The following IRAK4 variants were observed in gnomAD, a reference collection of about 807,000 sequenced individuals.
IRAK4 encodes the protein interleukin 1 receptor associated kinase 4.
IRAK4 carries 44 observed loss-of-function variants against 51.8 expected under a neutral mutation model. The ratio of observed to expected loss-of-function variants is 0.85; its 90% CI spans 0.67 to 1.09. The LOEUF is 1.09. Among genes scored for constraint, IRAK4 ranks in the 50% least tolerant of loss-of-function variants. The pLI is 0.00. For synonymous variants in IRAK4, 149 were observed against 174.1 expected, an observed-to-expected ratio of 0.86 and a Z score of 1.13; for missense variants, 487 against 538.0, an observed-to-expected ratio of 0.91 and a Z score of 0.94.
At chr12:43,764,953 C>G (rs1444007349) in intron 1 of IRAK4, among the ~76,000 whole-genome samples, 1 of 146,634 alleles carries the variant, frequency 6.8e-6, no homozygotes, top group African/African-American at 2.4e-5. Flanking sequence ...CATGCCCTTG[C>G]TTTTGACTGT....
chr12:43,775,991 C>T (rs1393254197), intron 6 of IRAK4, among the ~76,000 whole-genome samples: 2 of 150,280 alleles, frequency 1.3e-5, no homozygotes, highest in Admixed American at 1.3e-4. Context: ...ACGCCATTCT[C>T]CCGCCTCAGC....
At chr12:43,782,176 A>G in intron 8 of IRAK4, 131 bp from the exon 9 acceptor site, 1 of 673,396 alleles carries the variant, frequency 1.5e-6, no homozygotes, top group Non-Finnish European at 2.7e-6. Flanking sequence ...CACTCTGTAA[A>G]TATGTATGTA....
At chr12:43,774,860 G>A (rs1201912555) in intron 6 of IRAK4, among the ~76,000 whole-genome samples, 1 of 152,208 alleles carries the variant, frequency 6.6e-6, no homozygotes, top group East Asian at 1.9e-4. Flanking sequence ...ATATTTGAGT[G>A]TGTGCAACAT....
At chr12:43,785,264 G>A (rs1942106203) in intron 10 of IRAK4, among the ~76,000 whole-genome samples, 1 of 152,006 alleles carries the variant, frequency 6.6e-6, no homozygotes, top group African/African-American at 2.4e-5. Flanking sequence ...TGTTTTGGGG[G>A]ACCATGATTC....
Position 43,773,056 on chromosome 12 carries a change from T to C in IRAK4, c.635T>C (p.Val212Ala). The C allele has an allele frequency of 6.2e-7, 1 of 1,613,070 alleles. No homozygotes were observed. Among genetic ancestry groups the C allele is most frequent in the Non-Finnish European group, 8.5e-7 (1 of 1,179,308 alleles). ...KGYVNNTTVAVKKLAAMVDIT... is the reference protein window; with the variant it reads ...KGYVNNTTVAAKKLAAMVDIT... ...TACGTAAATAACACAACTGTGGCAG[T>C]GAAGAAGCTTGCAGCAGTAAGTTAT... Residue 212 changes from valine to alanine, a missense_variant, in exon 5 of 12, where the codon GTG (valine) becomes GCG (alanine). Transcript: ENST00000613694.
At position 43,768,516 on chromosome 12, in the gene IRAK4, C is replaced by T. The variant is rs900005095; in HGVS notation, c.161+244C>T. The T allele has an allele frequency of 9.1e-5, 31 of 340,768 alleles. No individual in the cohort carries two copies. The Admixed American group carries it at 9.9e-4, about 11-fold the overall frequency. 21.1% of individuals were successfully genotyped at this position (340,768 alleles called of 1,614,324 possible). On this transcript the variant is annotated intron_variant, in intron 2 of 11. Coordinates refer to ENST00000613694, the MANE Select transcript of IRAK4 (RefSeq NM_016123.4). ...TTTTTTGGGTTAGAATCAAGATTCC[C>T]ACCTTTGCTGTGGTTCCCTGTTTGG...
intron 1 of IRAK4, among the ~76,000 whole-genome samples, chr12:43,762,910 T>C (rs145584525): frequency 6.6e-5 from 10 of 152,352 alleles, no homozygotes; most frequent in African/African-American, 2.4e-4. Context: ...TTTAAACCTC[T>C]GCTTCCTTCT....
At chr12:43,763,976 T>A (rs1001901585) in intron 1 of IRAK4, among the ~76,000 whole-genome samples, 10 of 152,186 alleles carry the variant, frequency 6.6e-5, no homozygotes, top group Non-Finnish European at 1.0e-4. Flanking sequence ...CAGTATTTTT[T>A]AAAATTCTTC....
chr12:43,779,851 G>A (rs1440214356), intron 8 of IRAK4, among the ~76,000 whole-genome samples: 1 of 152,166 alleles, frequency 6.6e-6, no homozygotes, highest in Non-Finnish European at 1.5e-5. Context: ...TGGAGCTGGA[G>A]GTCTGAGCTG....
Position 43,772,934 on chromosome 12 carries a change from T to A in IRAK4, c.513T>A (p.Tyr171Ter), listed in dbSNP as rs1479039044. Residue 171 changes from tyrosine to a stop codon, truncating the protein, a stop_gained, in exon 5 of 12, where the codon TAT becomes TAA. Coordinates refer to ENST00000613694, the MANE Select transcript of IRAK4 (RefSeq NM_016123.4). LOFTEE classifies it high-confidence loss of function. ...TAGGTTTTCACAGTTTTTCATTTTA[T>A]GAATTGAAGAATGTCACAAATAACT... ...SDTRFHSFSF[Y>*]ELKNVTNNFD... 1 of 1,609,250 alleles carries A rather than the reference T, an allele frequency of 6.2e-7. No homozygotes were observed. The highest frequency in any genetic ancestry group is 1.1e-5 in the South Asian group (1 of 89,632).
At chr12:43,780,635 G>A (rs1051359350) in intron 8 of IRAK4, among the ~76,000 whole-genome samples, 5 of 150,782 alleles carry the variant, frequency 3.3e-5, no homozygotes, top group Non-Finnish European at 5.9e-5. Context: ...GCGATGGCGC[G>A]GTCTTGGCTC....
chr12:43,781,730 C>T (rs960183914), intron 8 of IRAK4, among the ~76,000 whole-genome samples: 2 of 152,156 alleles, frequency 1.3e-5, no homozygotes, highest in African/African-American at 4.8e-5. Flanking sequence ...AGCTTAAATA[C>T]TACACAACAT....
At chr12:43,766,631 T>C (rs1940178580) in intron 1 of IRAK4, among the ~76,000 whole-genome samples, 1 of 152,154 alleles carries the variant, frequency 6.6e-6, no homozygotes. Flanking sequence ...GCATGAACAA[T>C]GCATTGTGTT....
chr12:43,785,422 A>G (rs1942120832), intron 10 of IRAK4, among the ~76,000 whole-genome samples: 1 of 151,470 alleles, frequency 6.6e-6, no homozygotes, highest in Non-Finnish European at 1.5e-5. Context: ...AGGGAGGAGG[A>G]GTCAGGGTCC....
At chr12:43,781,630 CA>C (rs1409623089) in intron 8 of IRAK4, among the ~76,000 whole-genome samples, 55 of 152,304 alleles carry the variant, frequency 3.6e-4, no homozygotes, top group African/African-American at 1.3e-3. Context: ...GTTCTCTCAG[CA>C]TTTTGTACCT....
At chr12:43,777,864 A>G in intron 7 of IRAK4, 120 bp downstream of exon 7, 1 of 875,006 alleles carries the variant, frequency 1.1e-6, no homozygotes, top group Non-Finnish European at 1.9e-6. Flanking sequence ...GCTCTATGAA[A>G]ATTATACAGT....
At chr12:43,774,246 A>T (rs933764954) in intron 6 of IRAK4, among the ~76,000 whole-genome samples, 1 of 152,012 alleles carries the variant, frequency 6.6e-6, no homozygotes, top group African/African-American at 2.4e-5. Flanking sequence ...AGTCATTTTT[A>T]TTTATTTATT....
At chr12:43,761,264 T>G (rs1045940889) in intron 1 of IRAK4, among the ~76,000 whole-genome samples, 4 of 152,220 alleles carry the variant, frequency 2.6e-5, no homozygotes, top group Admixed American at 2.0e-4. Context: ...AGAAAGGATA[T>G]AAATACATTA....
At chr12:43,770,217 T>C (rs565586394) in intron 2 of IRAK4, among the ~76,000 whole-genome samples, 2 of 152,340 alleles carry the variant, frequency 1.3e-5, no homozygotes, top group African/African-American at 4.8e-5. Context: ...AAGCCGACTT[T>C]GTGATTTTTT....
Sources: allele counts gnomAD v4.1 joint callset (sites outside exome capture counted in the v4.1 genomes callset), GRCh38; gene constraint gnomAD v4.1.1; transcripts MANE v1.5; gene names NCBI Gene and HGNC (gene_info 2026-07-23, HGNC 2026-07-21).